The following CTNNA3 variants were observed in gnomAD, a reference collection of about 807,000 sequenced individuals.
The protein encoded by CTNNA3 is catenin alpha-3.
In CTNNA3, 76 loss-of-function variants were observed where a neutral mutation model predicts 95.7. That is an observed-to-expected ratio of 0.79 (90% CI 0.66 to 0.96). CTNNA3 has a LOEUF of 0.96. Among genes scored for constraint, CTNNA3 ranks in the 40% least tolerant of loss-of-function variants. The probability of loss-of-function intolerance (pLI) is 0.00; values close to 1 mark genes in which losing one functional copy is unlikely to be tolerated. For synonymous variants in CTNNA3, 431 were observed against 374.4 expected (o/e 1.15, Z -1.74); for missense variants, 1,191 against 1,089.8 (o/e 1.09, Z -1.31).
At chr10:66,343,520 A>G (rs2092474237) in intron 12 of CTNNA3, among the ~76,000 whole-genome samples, 1 of 151,990 alleles carries the variant, frequency 6.6e-6, no homozygotes, top group African/African-American at 2.4e-5. Flanking sequence ...TGGAAGTTAA[A>G]AAAAAAAAGT....
At chr10:67,462,484 T>C (rs1338900635) in intron 5 of CTNNA3, among the ~76,000 whole-genome samples, 1 of 152,138 alleles carries the variant, frequency 6.6e-6, no homozygotes, top group East Asian at 1.9e-4. Context: ...CCTGGGAAAA[T>C]GACATCACAA....
At chr10:67,471,419 C>A (rs1847816187) in intron 5 of CTNNA3, among the ~76,000 whole-genome samples, 1 of 152,214 alleles carries the variant, frequency 6.6e-6, no homozygotes, top group African/African-American at 2.4e-5. Flanking sequence ...GAAGCTAAAT[C>A]TGAACTTCAA....
chr10:66,527,882 T>C (rs954837358), intron 10 of CTNNA3, among the ~76,000 whole-genome samples: 3 of 152,198 alleles, frequency 2.0e-5, no homozygotes, highest in Non-Finnish European at 2.9e-5. Context: ...TGAACAGTGA[T>C]AATTTTATTT....
intron 5 of CTNNA3, among the ~76,000 whole-genome samples, chr10:67,262,471 A>G (rs9888104): frequency 0.045 from 6,808 of 152,232 alleles, 205 homozygotes; most frequent in South Asian, 0.1. Flanking sequence ...AGATTCCCCA[A>G]CTTATATTAG....
chr10:66,961,469 T>C (rs1383617050), intron 7 of CTNNA3, among the ~76,000 whole-genome samples: 1 of 152,152 alleles, frequency 6.6e-6, no homozygotes, highest in African/African-American at 2.4e-5. Context: ...TCACTGGTGA[T>C]TTTCTTCCAA....
intron 1 of CTNNA3, chr10:67,750,575 A>G (rs555255815): frequency 6.3e-7 from 1 of 1,575,208 alleles, no homozygotes; most frequent in East Asian, 2.2e-5. Flanking sequence ...GAAGACCCTC[A>G]AGGATCTGAA....
Position 67,179,987 on chromosome 10 carries a change from C to A in CTNNA3, c.1047+330G>T, listed in dbSNP as rs1862436746. Reference sequence around the variant, plus strand: ...ACTTGATCCTGAGCAATCTGCCCCTCTCTTTATCTTCTTTATATTTCTTAA... The same window carrying A: ...ACTTGATCCTGAGCAATCTGCCCCTATCTTTATCTTCTTTATATTTCTTAA... On this transcript the variant is annotated intron_variant, in intron 7 of 17. Transcript: ENST00000433211. Among the ~76,000 whole-genome samples, 4 of 152,232 alleles carry A rather than the reference C, an allele frequency of 2.6e-5. No individual in the cohort carries two copies. The South Asian group carries it at 8.3e-4, about 32-fold the overall frequency.
intron 6 of CTNNA3, among the ~76,000 whole-genome samples, chr10:67,187,580 G>C (rs977709879): frequency 5.4e-5 from 8 of 149,302 alleles, no homozygotes; most frequent in African/African-American, 2.0e-4. Flanking sequence ...TCTCCCCTTT[G>C]TTTCTTTCTT....
chr10:66,275,770 C>G (rs770385006), intron 13 of CTNNA3, among the ~76,000 whole-genome samples: 12 of 151,884 alleles, frequency 7.9e-5, no homozygotes, highest in Non-Finnish European at 1.6e-4. Flanking sequence ...CTTCAAATAG[C>G]CAGAAGCTCA....
At chr10:66,714,383 C>T (rs527383040) in intron 9 of CTNNA3, among the ~76,000 whole-genome samples, 17 of 152,224 alleles carry the variant, frequency 1.1e-4, no homozygotes, top group African/African-American at 4.1e-4. Context: ...CATTCAAAAA[C>T]AAGCAAGCCA....
intron 5 of CTNNA3, among the ~76,000 whole-genome samples, chr10:67,427,098 T>C (rs1845947807): frequency 6.6e-6 from 1 of 152,066 alleles, no homozygotes; most frequent in South Asian, 2.1e-4. Flanking sequence ...AAAATTACTG[T>C]ATGTCATTAA....
chr10:67,640,301 T>C (rs889164345), intron 2 of CTNNA3, among the ~76,000 whole-genome samples: 5 of 152,160 alleles, frequency 3.3e-5, no homozygotes, highest in African/African-American at 1.2e-4. Flanking sequence ...TTACAAGGGA[T>C]GTGAAGGATC....
rs186323864 is a variant in CTNNA3, at chr10:67,043,289, T to C, written c.1047+137028A>G. Reference sequence around the variant, plus strand: ...AAAATGGCCTGAGGGTTCTACATCATTCATATATTCTCTGATCACTAGAGA... The same window carrying C: ...AAAATGGCCTGAGGGTTCTACATCACTCATATATTCTCTGATCACTAGAGA... On this transcript the variant is annotated intron_variant, in intron 7 of 17. Transcript: ENST00000433211. Among the ~76,000 whole-genome samples the C allele has an allele frequency of 7.2e-4, 110 of 152,220 alleles. 1 individual carries two copies. The highest frequency in any genetic ancestry group is 2.6e-3 in the African/African-American group (106 of 41,540).
chr10:66,435,154 G>A (rs578078680), intron 11 of CTNNA3, among the ~76,000 whole-genome samples: 2 of 152,168 alleles, frequency 1.3e-5, no homozygotes, highest in East Asian at 3.9e-4. Context: ...GATGATGCTG[G>A]CCTCATAAAA....
chr10:66,674,967 G>C (rs1163457466), intron 9 of CTNNA3, among the ~76,000 whole-genome samples: 1 of 152,058 alleles, frequency 6.6e-6, no homozygotes, highest in Non-Finnish European at 1.5e-5. Flanking sequence ...ATGACACCAA[G>C]TGGAAGAAGC....
chr10:66,685,317 GTATGTGTGTATATATATATA>G (rs1467889245), intron 9 of CTNNA3, among the ~76,000 whole-genome samples: 2 of 44,498 alleles, frequency 4.5e-5, no homozygotes, highest in Non-Finnish European at 7.1e-5. Flanking sequence ...ATGTGTGTGT[GTATGTGTGTATATATATATA>G]TATATATATA....
chr10:67,237,120 G>GTATA (rs1491319724), intron 5 of CTNNA3, among the ~76,000 whole-genome samples: 216 of 15,624 alleles, frequency 0.014, 12 homozygotes, highest in Non-Finnish European at 0.018. Context: ...AGAAACTATG[G>GTATA]TGTATGTATA....
chr10:66,587,198 G>A (rs759473786), intron 10 of CTNNA3, among the ~76,000 whole-genome samples: 91 of 152,284 alleles, frequency 6.0e-4, no homozygotes, highest in Non-Finnish European at 9.7e-4. Context: ...GACTCAAGAC[G>A]TCCTATTTAG....
intron 15 of CTNNA3, among the ~76,000 whole-genome samples, chr10:66,021,007 CTCTT>C (rs1338287257): frequency 6.6e-6 from 1 of 152,106 alleles, no homozygotes; most frequent in Non-Finnish European, 1.5e-5. Flanking sequence ...TGATCACTGA[CTCTT>C]TCTTGATCAC....
Sources: allele counts gnomAD v4.1 joint callset (sites outside exome capture counted in the v4.1 genomes callset), GRCh38; gene constraint gnomAD v4.1.1; transcripts MANE v1.5; gene names NCBI Gene and HGNC (gene_info 2026-07-23, HGNC 2026-07-21).